Variants in GRIK3 observed in about 807,000 individuals in gnomAD.
The protein encoded by GRIK3 is glutamate ionotropic receptor kainate type subunit 3.
GRIK3 carries 29 observed loss-of-function variants against 102.5 expected under a neutral mutation model. The observed-to-expected ratio is 0.28, with a 90% CI of 0.21 to 0.39. The LOEUF is 0.39. Ranked by LOEUF, GRIK3 falls within the 10% of genes least tolerant of loss-of-function variation. The pLI, the probability that GRIK3 is intolerant of heterozygous loss-of-function variation, is 1.00. For missense variants in GRIK3, 908 were observed against 1,252.4 expected, an observed-to-expected ratio of 0.73 and a Z score of 4.15; for synonymous variants, 511 against 504.9, an observed-to-expected ratio of 1.01 and a Z score of -0.16.
intron 1 of GRIK3, among the ~76,000 whole-genome samples, chr1:36,962,419 G>A (rs889471191): frequency 1.3e-5 from 2 of 151,962 alleles, no homozygotes; most frequent in African/African-American, 4.8e-5. Flanking sequence ...GCATGCCCCA[G>A]GGGTTAATCT....
chr1:36,880,511 TG>T lies in GRIK3; in HGVS notation c.550+122del. The T allele has an allele frequency of 1.0e-6, 1 of 954,964 alleles. No individual in the cohort carries two copies. Among genetic ancestry groups the T allele is most frequent in the Non-Finnish European group, 1.7e-6 (1 of 605,492 alleles). The allele number at this position is 954,964 out of a possible 1,614,324, so 59.2% of individuals were successfully genotyped here. The stretch of plus-strand genomic sequence containing the variant: ...GAACATCAGCATAACCGAGTGGAAC[TG>T]GGGTATGGAACACAGCCTCTTCCCC... On this transcript the variant is annotated intron_variant, in intron 3 of 15. Coordinates refer to ENST00000373091, the MANE Select transcript of GRIK3 (RefSeq NM_000831.4). The surrounding 1 kb of genome is among the most constrained non-coding windows in gnomAD (Gnocchi z 5.4).
Position 36,802,044 on chromosome 1 carries a change from C to A in GRIK3, c.2567G>T (p.Arg856Leu). The change falls in exon 16 of 16, where the codon CGT (arginine) becomes CTT (leucine). Residue 856 changes from arginine to leucine, a missense_variant and splice_region_variant. By Grantham distance (102) the Arg-to-Leu change is moderately radical. This residue lies in a region of GRIK3 where 297 missense variants were observed against 362.7 expected (regional missense o/e 0.82). Coordinates refer to ENST00000373091, the MANE Select transcript of GRIK3 (RefSeq NM_000831.4). ...KLRKTAEREQ[R>L]SFCSTVADEI... ...ATCGGCCACGGTGCTGCAGAAGGAA[C>A]GCTGCAGGAGGGTGGAGGAGAGGGG... The A allele has an allele frequency of 6.2e-7, 1 of 1,607,138 alleles. No individual in the cohort carries two copies. The highest frequency in any genetic ancestry group is 8.5e-7 in the Non-Finnish European group (1 of 1,176,152).
At chr1:36,984,212 ACTCT>A (rs1254166867) in intron 1 of GRIK3, among the ~76,000 whole-genome samples, 1 of 139,822 alleles carries the variant, frequency 7.2e-6, no homozygotes, top group East Asian at 1.9e-4. Context: ...ACACACATTC[ACTCT>A]CTCTCATGAC....
intron 1 of GRIK3, among the ~76,000 whole-genome samples, chr1:36,991,739 T>A (rs954083565): frequency 2.1e-4 from 32 of 152,236 alleles, no homozygotes; most frequent in African/African-American, 7.5e-4. Context: ...TTCCCTGGCA[T>A]CTGCTGAGGG....
intron 10 of GRIK3, among the ~76,000 whole-genome samples, chr1:36,827,443 G>GA (rs1408377477): frequency 1.2e-4 from 19 of 152,206 alleles, no homozygotes; most frequent in African/African-American, 4.6e-4. Context: ...GGCAAGGGGG[G>GA]ACCTCCCTCT....
At chr1:36,921,510 G>A (rs931490523) in intron 1 of GRIK3, among the ~76,000 whole-genome samples, 1 of 152,186 alleles carries the variant, frequency 6.6e-6, no homozygotes, top group African/African-American at 2.4e-5. Flanking sequence ...GATCGGGTGA[G>A]ATGCTGCACA....
At chr1:36,834,274 C>T (rs996848598) in intron 10 of GRIK3, among the ~76,000 whole-genome samples, 1 of 152,052 alleles carries the variant, frequency 6.6e-6, no homozygotes, top group East Asian at 1.9e-4. Flanking sequence ...TAAAAGAGAT[C>T]CCCCAGCAAG....
chr1:36,897,763 C>T (rs962042336), intron 1 of GRIK3, among the ~76,000 whole-genome samples: 3 of 152,108 alleles, frequency 2.0e-5, no homozygotes, highest in Non-Finnish European at 4.4e-5. Flanking sequence ...AATAGAGCTA[C>T]CATATGATCC....
intron 1 of GRIK3, among the ~76,000 whole-genome samples, chr1:36,960,598 T>C (rs555905184): frequency 1.3e-5 from 2 of 152,276 alleles, no homozygotes; most frequent in African/African-American, 4.8e-5. Context: ...TGGGCCCATG[T>C]TCTTCTGGCC....
At chr1:36,871,915 C>T (rs767041286) in intron 4 of GRIK3, among the ~76,000 whole-genome samples, 6 of 152,160 alleles carry the variant, frequency 3.9e-5, no homozygotes, top group Non-Finnish European at 7.3e-5. Context: ...GATGGAAACT[C>T]GTGTCTACTC....
chr1:36,860,291 C>T (rs539790422), intron 5 of GRIK3, among the ~76,000 whole-genome samples: 1 of 152,280 alleles, frequency 6.6e-6, no homozygotes, highest in East Asian at 1.9e-4. Context: ...GGTTCAATCC[C>T]CTTTCTAGGA....
At chr1:36,918,780 A>T (rs977030548) in intron 1 of GRIK3, among the ~76,000 whole-genome samples, 9 of 152,322 alleles carry the variant, frequency 5.9e-5, no homozygotes, top group Non-Finnish European at 7.3e-5. Context: ...AGTCTTGCAC[A>T]GTGCCTGGAA....
intron 1 of GRIK3, among the ~76,000 whole-genome samples, chr1:36,971,110 T>C (rs12096532): frequency 0.15 from 23,109 of 152,230 alleles, 2,385 homozygotes; most frequent in African/African-American, 0.3. Flanking sequence ...GTCTGGCTCT[T>C]CTGTGGCCCT....
chr1:36,905,573 C>T (rs1042601889), intron 1 of GRIK3, among the ~76,000 whole-genome samples: 5 of 151,680 alleles, frequency 3.3e-5, no homozygotes, highest in African/African-American at 1.2e-4. Flanking sequence ...TCTCCCTGCT[C>T]CCCAATGCTA....
At chr1:36,887,163 C>T (rs1641046919) in intron 2 of GRIK3, among the ~76,000 whole-genome samples, 1 of 152,136 alleles carries the variant, frequency 6.6e-6, no homozygotes, top group African/African-American at 2.4e-5. Context: ...AAACCCCTGC[C>T]TCCCACCATA....
intron 1 of GRIK3, among the ~76,000 whole-genome samples, chr1:36,936,992 A>G (rs1641666248): frequency 6.6e-6 from 1 of 152,216 alleles, no homozygotes; most frequent in Non-Finnish European, 1.5e-5. Context: ...GTGAATGATC[A>G]CAGCCGGGTG....
chr1:36,886,312 G>A (rs556826694), intron 2 of GRIK3, among the ~76,000 whole-genome samples: 16 of 152,232 alleles, frequency 1.1e-4, no homozygotes, highest in Non-Finnish European at 1.6e-4. Flanking sequence ...GATCCAGCTG[G>A]AGGGGAAGAA....
chr1:36,851,076 G>A (rs1337904747), intron 8 of GRIK3, among the ~76,000 whole-genome samples: 1 of 152,150 alleles, frequency 6.6e-6, no homozygotes, highest in African/African-American at 2.4e-5. Context: ...ACCCAACTCT[G>A]GCCAGCTCTG....
chr1:37,022,311 T>C (rs1393523342), intron 1 of GRIK3, among the ~76,000 whole-genome samples: 1 of 152,124 alleles, frequency 6.6e-6, no homozygotes. Context: ...ACAGCAGAGG[T>C]TCTCTTCCTT....
Sources: gnomAD v4.1 joint callset for allele counts (sites outside exome capture counted in the v4.1 genomes callset) on GRCh38, gnomAD v4.1.1 for gene constraint, gnomAD v4.1.1 regional missense constraint, Gnocchi (gnomAD v3.1) non-coding constraint, MANE v1.5 for transcripts, NCBI Gene and HGNC (gene_info 2026-07-23, HGNC 2026-07-21) for gene names.